The following HTR1D variants were observed in gnomAD, a reference collection of about 807,000 sequenced individuals.
The protein encoded by HTR1D is 5-HT-1D.
A neutral mutation model predicts 21.1 loss-of-function variants in HTR1D; 18 were observed. The ratio of observed to expected loss-of-function variants is 0.85; its 90% CI spans 0.59 to 1.27. The LOEUF is 1.27. HTR1D is among the 50% of genes most tolerant of loss of function. The pLI is 0.00. For missense variants in HTR1D, 456 were observed against 481.4 expected (o/e 0.95, Z 0.49); for synonymous variants, 196 against 204.4 (o/e 0.96, Z 0.35).
intron 1 of HTR1D, among the ~76,000 whole-genome samples, chr1:23,214,773 G>C (rs1302446774): frequency 6.6e-6 from 1 of 152,126 alleles, no homozygotes; most frequent in African/African-American, 2.4e-5. Flanking sequence ...TACACCTCCT[G>C]TCTAGCTCAT....
chr1:23,214,954 A>T (rs1293563946), intron 1 of HTR1D, among the ~76,000 whole-genome samples: 1 of 152,144 alleles, frequency 6.6e-6, no homozygotes, highest in Non-Finnish European at 1.5e-5. Context: ...CTACTAGGAG[A>T]GGAGCAGAGG....
chr1:23,216,568 C>T (rs1644774200), intron 1 of HTR1D, among the ~76,000 whole-genome samples: 1 of 152,250 alleles, frequency 6.6e-6, no homozygotes, highest in Admixed American at 6.5e-5. Context: ...TGACCTTGGG[C>T]AAGACGGATT....
intron 1 of HTR1D, among the ~76,000 whole-genome samples, chr1:23,199,015 C>T (rs1644700167): frequency 1.4e-5 from 2 of 143,924 alleles, no homozygotes; most frequent in Admixed American, 1.4e-4. Context: ...ACCACCATGC[C>T]CGGCTAATTT....
chr1:23,209,508 G>A (rs1016320676), intron 1 of HTR1D, among the ~76,000 whole-genome samples: 9 of 151,714 alleles, frequency 5.9e-5, no homozygotes, highest in African/African-American at 1.9e-4. Flanking sequence ...GGGGGAGGGC[G>A]CTATGTGGGC....
chr1:23,207,181 T>C (rs1557726194), intron 1 of HTR1D, among the ~76,000 whole-genome samples: 1 of 152,042 alleles, frequency 6.6e-6, no homozygotes, highest in Non-Finnish European at 1.5e-5. Flanking sequence ...GGCAGATCAC[T>C]TGAGGTCAGG....
rs76721686 is a variant in HTR1D, at chr1:23,206,570, C to T, written c.-783+10721G>A. Among the ~76,000 whole-genome samples the T allele has an allele frequency of 1.1e-3, 161 of 152,300 alleles. 2 individuals carry two copies. In the East Asian group the frequency reaches 0.029, roughly 28 times the overall value. On this transcript the variant is annotated intron_variant, in intron 1 of 1. Coordinates refer to ENST00000374619, the MANE Select transcript of HTR1D (RefSeq NM_000864.5). The stretch of plus-strand genomic sequence containing the variant: ...TACCCTCCTGCCATACCCCAGGCTC[C>T]GGTGCTGTTTCCTGCTGATCCTTTG...
intron 1 of HTR1D, among the ~76,000 whole-genome samples, chr1:23,216,196 C>T (rs1405135836): frequency 6.6e-6 from 1 of 152,244 alleles, no homozygotes; most frequent in African/African-American, 2.4e-5. Flanking sequence ...ACCCACACCA[C>T]GGGCTCAACT....
rs572944474 is a variant in HTR1D at position 23,198,109 on chromosome 1, C to T, written c.-782-3108G>A. On this transcript the variant is annotated intron_variant, in intron 1 of 1. Transcript: ENST00000374619. ...AGTGTGGGCCGGGCGCAATGGCTCA[C>T]GCCTGTAATCCCAGCACTTTGGGAG... Among the ~76,000 whole-genome samples the T allele has an allele frequency of 6.0e-4, 90 of 150,044 alleles. No individual in the cohort carries two copies. The South Asian group carries it at 0.018, about 31-fold the overall frequency.
chr1:23,204,421 G>A (rs1436211586), intron 1 of HTR1D, among the ~76,000 whole-genome samples: 3 of 152,134 alleles, frequency 2.0e-5, no homozygotes, highest in Non-Finnish European at 4.4e-5. Context: ...CACCATGCCC[G>A]GCCACACTCA....
chr1:23,198,524 G>A (rs1644698351), intron 1 of HTR1D, among the ~76,000 whole-genome samples: 1 of 152,222 alleles, frequency 6.6e-6, no homozygotes, highest in African/African-American at 2.4e-5. Context: ...GGTATGCATG[G>A]CAGAGAAACT....
At chr1:23,202,348 CT>C (rs1644712662) in intron 1 of HTR1D, among the ~76,000 whole-genome samples, 1 of 152,154 alleles carries the variant, frequency 6.6e-6, no homozygotes, top group Non-Finnish European at 1.5e-5. Flanking sequence ...CCGTCTGAGC[CT>C]CCCAAAGTGC....
chr1:23,197,439 A>G (rs1417508782), intron 1 of HTR1D, among the ~76,000 whole-genome samples: 1 of 152,196 alleles, frequency 6.6e-6, no homozygotes, highest in Non-Finnish European at 1.5e-5. Context: ...ATAATAAAAT[A>G]AAAAATACAG....
intron 1 of HTR1D, among the ~76,000 whole-genome samples, chr1:23,200,524 T>C (rs917027967): frequency 3.9e-5 from 6 of 152,024 alleles, no homozygotes; most frequent in African/African-American, 1.5e-4. Flanking sequence ...TAGTCAATGG[T>C]TTCTTTTTGT....
chr1:23,212,826 CTT>C (rs34716227), intron 1 of HTR1D, among the ~76,000 whole-genome samples: 69,839 of 146,586 alleles, frequency 0.48, 16,834 homozygotes, highest in South Asian at 0.58. Context: ...CTGAGTGCCT[CTT>C]TTTTTTTTTT....
chr1:23,202,308 G>T (rs1249151115), intron 1 of HTR1D, among the ~76,000 whole-genome samples: 2 of 152,074 alleles, frequency 1.3e-5, no homozygotes, highest in Non-Finnish European at 2.9e-5. Context: ...GGCCAGGCTG[G>T]TTTCGTACTC....
rs1451534862 is a variant in HTR1D at position 23,210,375 on chromosome 1, G to A, written c.-783+6916C>T. Among the ~76,000 whole-genome samples, 5 of 152,352 alleles carry A rather than the reference G, an allele frequency of 3.3e-5. No individual in the cohort carries two copies. In the East Asian group the frequency reaches 9.7e-4, roughly 29 times the overall value. ...TTATAGGCGTGAGCCACCACGCCCA[G>A]CCAGGTCTGCAGTTCTGACAAGCTC... is the stretch of plus-strand genomic sequence containing the variant. On this transcript the variant is annotated intron_variant, in intron 1 of 1. Transcript: ENST00000374619.
Position 23,217,102 on chromosome 1 carries a change from C to T in HTR1D, c.-783+189G>A, listed in dbSNP as rs1307666841. Among the ~76,000 whole-genome samples, 1 of 151,862 alleles carries T rather than the reference C, an allele frequency of 6.6e-6. No homozygotes were observed. The highest frequency in any genetic ancestry group is 1.5e-5 in the Non-Finnish European group (1 of 67,888). On this transcript the variant is annotated intron_variant, in intron 1 of 1. Coordinates refer to ENST00000374619, the MANE Select transcript of HTR1D (RefSeq NM_000864.5). The surrounding 1 kb of genome is among the most constrained non-coding windows in gnomAD (Gnocchi z 4.6). ...CTTTTCTCCCGGGGCTCTGGACGGC[C>T]ACCCCCGGTGGCCTCCCTCCGGCCG... is the stretch of plus-strand genomic sequence containing the variant.
chr1:23,215,910 T>C (rs1284929956), intron 1 of HTR1D, among the ~76,000 whole-genome samples: 2 of 152,174 alleles, frequency 1.3e-5, no homozygotes, highest in African/African-American at 2.4e-5. Context: ...CCTGAAGTGC[T>C]TGTAGAGGTT....
In HTR1D at chr1:23,194,880, C is replaced by A. The variant is rs1436514411; in HGVS notation, c.-661G>T. On this transcript the variant is annotated 5_prime_UTR_variant, in exon 2 of 2. Coordinates refer to ENST00000374619, the MANE Select transcript of HTR1D (RefSeq NM_000864.5). Reference sequence around the variant, plus strand: ...TAACTTCGGTTCCTATCCCACTGATCGTTTTAGAGCCTGAACAGACAAAAC... The same window carrying A: ...TAACTTCGGTTCCTATCCCACTGATAGTTTTAGAGCCTGAACAGACAAAAC... Among the ~76,000 whole-genome samples the A allele has an allele frequency of 6.6e-6, 1 of 152,150 alleles. No individual in the cohort carries two copies. Among genetic ancestry groups the A allele is most frequent in the Non-Finnish European group, 1.5e-5 (1 of 68,046 alleles).
Sources: gnomAD v4.1 joint callset for allele counts (sites outside exome capture counted in the v4.1 genomes callset) on GRCh38, gnomAD v4.1.1 for gene constraint, Gnocchi (gnomAD v3.1) non-coding constraint, MANE v1.5 for transcripts, NCBI Gene and HGNC (gene_info 2026-07-23, HGNC 2026-07-21) for gene names.